RABIF: variants seen among roughly 807,000 people sequenced by gnomAD.
RABIF encodes the protein guanine nucleotide exchange factor MSS4.
Under a neutral mutation model 12.3 loss-of-function variants are expected in RABIF, and 13 were observed. The ratio of observed to expected loss-of-function variants is 1.06; its 90% CI spans 0.69 to 1.68. The LOEUF (loss-of-function observed/expected upper bound fraction) is 1.68, where lower values mean the gene tolerates loss of function less well. RABIF is among the 40% of genes most tolerant of loss of function. RABIF has a pLI of 0.00. For missense variants in RABIF, 153 were observed against 158.0 expected, an observed-to-expected ratio of 0.97 and a Z score of 0.17; for synonymous variants, 70 against 63.3, an observed-to-expected ratio of 1.11 and a Z score of -0.50.
Position 202,881,048 on chromosome 1 carries a change from G to A in RABIF, c.302C>T (p.Pro101Leu), listed in dbSNP as rs1158385502. Residue 101 changes from proline to leucine, a missense_variant, in exon 2 of 2, where the codon CCA becomes CTA. This residue lies in a region of RABIF where 40 missense variants were observed against 67.1 expected (regional missense o/e 0.60). Coordinates refer to ENST00000367262, the MANE Select transcript of RABIF (RefSeq NM_002871.5). ...GTCATCTAGGCAATGCCAGCCAATT[G>A]GTCCAATTTCACAGTCTGCGCAGAC... is the stretch of plus-strand genomic sequence containing the variant. ...FLVCADCEIG[P>L]IGWHCLDDKN... 9 of 1,613,984 alleles carry A rather than the reference G, an allele frequency of 5.6e-6. No individual in the cohort carries two copies. Among genetic ancestry groups the A allele is most frequent in the Non-Finnish European group, 7.6e-6 (9 of 1,180,022 alleles).
intron 1 of RABIF, among the ~76,000 whole-genome samples, chr1:202,881,733 G>GATCT (rs1659494850): frequency 1.3e-5 from 2 of 152,224 alleles, no homozygotes; most frequent in Non-Finnish European, 2.9e-5. Context: ...CCAGCTGGGT[G>GATCT]GTCTGGGAAC....
chr1:202,880,573 G>T lies in RABIF; in HGVS notation c.*405C>A. ...TGCCTTCTTGAATGAGAAAAAGGCA[G>T]ATTTCAACTATTAGTACATAAGCAT... is the stretch of plus-strand genomic sequence containing the variant. On this transcript the variant is annotated 3_prime_UTR_variant, in exon 2 of 2. Transcript: ENST00000367262. The T allele has an allele frequency of 1.9e-6, 1 of 534,342 alleles. No homozygotes were observed. The allele number at this position is 534,342 out of a possible 1,614,324, so 33.1% of individuals were successfully genotyped here.
At chr1:202,882,008 T>C (rs1195239830) in intron 1 of RABIF, among the ~76,000 whole-genome samples, 2 of 152,228 alleles carry the variant, frequency 1.3e-5, no homozygotes, top group African/African-American at 2.4e-5. Context: ...ATAATTGACA[T>C]ATGAACTGCA....
chr1:202,881,441 G>A (rs1435620225), intron 1 of RABIF, among the ~76,000 whole-genome samples: 1 of 151,564 alleles, frequency 6.6e-6, no homozygotes, highest in Non-Finnish European at 1.5e-5. Flanking sequence ...TCCCACTGTC[G>A]CCTAGGCTGG....
chr1:202,878,527 TCAGAAG>T lies in RABIF; in HGVS notation c.*2445_*2450del, dbSNP rs899733419. Among the ~76,000 whole-genome samples, 19 of 152,372 alleles carry T rather than the reference TCAGAAG, an allele frequency of 1.2e-4. 3 individuals are homozygous for T. The highest frequency in any genetic ancestry group is 4.6e-4 in the African/African-American group (19 of 41,586). On this transcript the variant is annotated 3_prime_UTR_variant, in exon 2 of 2. Coordinates refer to ENST00000367262, the MANE Select transcript of RABIF (RefSeq NM_002871.5). ...AGTCCAAAGGACCTATCCACCATTA[TCAGAAG>T]CAGAAGTCCTCATAGTTACTCAGTT...
chr1:202,888,967 C>G lies in RABIF; in HGVS notation c.126+6G>C, dbSNP rs1199278509. 6.4e-7 allele frequency: 1 copy of G among 1,552,860 alleles called. No homozygotes were observed. Among genetic ancestry groups the G allele is most frequent in the Non-Finnish European group, 8.7e-7 (1 of 1,147,884 alleles). On this transcript the variant is annotated splice_donor_region_variant and intron_variant, in intron 1 of 1. Coordinates refer to ENST00000367262, the MANE Select transcript of RABIF (RefSeq NM_002871.5). ...GGTGTAAACGGCCTCCAACCTGCCT[C>G]CCTACCTGTCGGCGAGAGAAGAGAG...
chr1:202,887,372 C>T (rs1443225193), intron 1 of RABIF, among the ~76,000 whole-genome samples: 1 of 151,356 alleles, frequency 6.6e-6, no homozygotes, highest in Non-Finnish European at 1.5e-5. Flanking sequence ...TTTTTAAGCT[C>T]ATCAGCTATC....
chr1:202,888,893 G>A (rs978564218), intron 1 of RABIF, 80 bp downstream of exon 1: 79 of 1,425,330 alleles, frequency 5.5e-5, no homozygotes, highest in Non-Finnish European at 6.7e-5. Context: ...GGAAATTGAA[G>A]AGCCGGGGTT....
At chr1:202,886,636 C>T (rs373712352) in intron 1 of RABIF, among the ~76,000 whole-genome samples, 4 of 152,146 alleles carry the variant, frequency 2.6e-5, no homozygotes, top group Non-Finnish European at 4.4e-5. Flanking sequence ...GTGGCTCATA[C>T]CTGTAATCCC....
In RABIF at chr1:202,878,527, T is replaced by C. The variant is rs1161241989; in HGVS notation, c.*2451A>G. Among the ~76,000 whole-genome samples, 1 of 152,254 alleles carries C rather than the reference T, an allele frequency of 6.6e-6. No homozygotes were observed. Among genetic ancestry groups the C allele is most frequent in the Non-Finnish European group, 1.5e-5 (1 of 68,048 alleles). On this transcript the variant is annotated 3_prime_UTR_variant, in exon 2 of 2. Coordinates refer to ENST00000367262, the MANE Select transcript of RABIF (RefSeq NM_002871.5). ...AGTCCAAAGGACCTATCCACCATTA[T>C]CAGAAGCAGAAGTCCTCATAGTTAC... is the stretch of plus-strand genomic sequence containing the variant.
intron 1 of RABIF, among the ~76,000 whole-genome samples, chr1:202,887,378 C>T (rs1659579286): frequency 6.6e-6 from 1 of 151,476 alleles, no homozygotes; most frequent in African/African-American, 2.4e-5. Context: ...AGCTCATCAG[C>T]TATCATTAGT....
At chr1:202,886,283 C>CG (rs1363438341) in intron 1 of RABIF, among the ~76,000 whole-genome samples, 1 of 57,928 alleles carries the variant, frequency 1.7e-5, no homozygotes, top group Admixed American at 2.5e-4. Flanking sequence ...GAAAGGAAAG[C>CG]GGGGGAAGGG....
Position 202,889,057 on chromosome 1 carries a change from C to T in RABIF, c.42G>A (p.Glu14=). 1.2e-6 allele frequency: 2 copies of T among 1,611,302 alleles called. No homozygotes were observed. The highest frequency in any genetic ancestry group is 1.3e-5 in the African/African-American group (1 of 74,888). The change falls in exon 1 of 2, where the codon GAG becomes GAA. Residue 14 remains glutamate, a synonymous_variant. Coordinates refer to ENST00000367262, the MANE Select transcript of RABIF (RefSeq NM_002871.5). The stretch of plus-strand genomic sequence containing the variant: ...ACAGCACCGCCTTCCGGTTTCGGCC[C>T]TCGGCTGACACTAACTCGCTCGGCT... The part of the protein sequence containing the change: ...AEQPSELVSA[E]GRNRKAVLCQ...
At chr1:202,886,516 G>A (rs1289373382) in intron 1 of RABIF, among the ~76,000 whole-genome samples, 2 of 152,034 alleles carry the variant, frequency 1.3e-5, no homozygotes, top group African/African-American at 4.8e-5. Flanking sequence ...AACCCGGGAG[G>A]AGGAGGTTGC....
At position 202,881,128 on chromosome 1, in the gene RABIF, C is replaced by T; in HGVS notation, c.222G>A (p.Met74Ile). ...LLQEHWLVED[M>I]FIFENVGFTK... is the part of the protein sequence containing the mutation. ...TGAAGCCCACATTCTCAAAAATGAA[C>T]ATGTCCTCAACCAGCCAGTGTTCCT... The change falls in exon 2 of 2, where the codon ATG becomes ATA. Residue 74 changes from methionine (M) to isoleucine (I), a missense_variant. This residue lies in a region of RABIF where 40 missense variants were observed against 67.1 expected (regional missense o/e 0.60). Transcript: ENST00000367262. 6.2e-7 allele frequency: 1 copy of T among 1,614,204 alleles called. No individual in the cohort carries two copies. Among genetic ancestry groups the T allele is most frequent in the Non-Finnish European group, 8.5e-7 (1 of 1,180,050 alleles).
Position 202,881,217 on chromosome 1 carries a change from G to T in RABIF, c.133C>A (p.Leu45Ile), listed in dbSNP as rs1659485523. The T allele has an allele frequency of 5.0e-6, 8 of 1,611,682 alleles. No individual in the cohort carries two copies. Among genetic ancestry groups the T allele is most frequent in the Non-Finnish European group, 6.8e-6 (8 of 1,178,324 alleles). Reference sequence around the variant, plus strand: ...GCTGGCTTCTTTCTCATGGAGGGAAGGAAAAGCTGCAGTGGGAAAGAACAT... The same window carrying T: ...GCTGGCTTCTTTCTCATGGAGGGAATGAAAAGCTGCAGTGGGAAAGAACAT... ...TALFSRRQLF[L>I]PSMRKKPALS... The change falls in exon 2 of 2, where the codon CTT (leucine) becomes ATT (isoleucine). Residue 45 changes from leucine to isoleucine, a missense_variant. Transcript: ENST00000367262.
chr1:202,883,994 G>C (rs945098528), intron 1 of RABIF, among the ~76,000 whole-genome samples: 1 of 152,136 alleles, frequency 6.6e-6, no homozygotes, highest in Non-Finnish European at 1.5e-5. Flanking sequence ...ATGTAATGAG[G>C]CTTTCTGGAT....
chr1:202,887,503 T>C (rs929366536), intron 1 of RABIF, among the ~76,000 whole-genome samples: 11 of 150,954 alleles, frequency 7.3e-5, no homozygotes, highest in Non-Finnish European at 1.3e-4. Flanking sequence ...AATAACTTTT[T>C]TTTTTTTTTT....
chr1:202,887,024 GTTTTGTT>G (rs1659572862), intron 1 of RABIF, among the ~76,000 whole-genome samples: 2 of 90,690 alleles, frequency 2.2e-5, no homozygotes, highest in Non-Finnish European at 5.1e-5. Context: ...TGTGGGCTAT[GTTTTGTT>G]TTTTTTTTTT....
Sources: gnomAD v4.1 joint callset for allele counts (sites outside exome capture counted in the v4.1 genomes callset) on GRCh38, gnomAD v4.1.1 for gene constraint, gnomAD v4.1.1 regional missense constraint, MANE v1.5 for transcripts, NCBI Gene and HGNC (gene_info 2026-07-23, HGNC 2026-07-21) for gene names.